The following GEMIN2 variants were observed in gnomAD, a reference collection of about 807,000 sequenced individuals.
GEMIN2 encodes the protein gem nuclear organelle associated protein 2.
GEMIN2 carries 37 observed loss-of-function variants against 45.8 expected under a neutral mutation model. The ratio of observed to expected loss-of-function variants is 0.81; its 90% CI spans 0.62 to 1.06. The LOEUF (loss-of-function observed/expected upper bound fraction) is 1.06. Among genes scored for constraint, GEMIN2 ranks in the 50% least tolerant of loss-of-function variants. The probability of loss-of-function intolerance (pLI) is 0.00; values close to 1 mark genes in which losing one functional copy is unlikely to be tolerated. For synonymous variants in GEMIN2, 101 were observed against 111.5 expected, an observed-to-expected ratio of 0.91 and a Z score of 0.60; for missense variants, 335 against 321.8, an observed-to-expected ratio of 1.04 and a Z score of -0.31.
intron 9 of GEMIN2, 130 bp from the exon 10 acceptor site, chr14:39,136,310 T>A: frequency 1.6e-6 from 1 of 621,672 alleles, no homozygotes; most frequent in Non-Finnish European, 2.9e-6. Flanking sequence ...TTCCACTATG[T>A]AGACATACTA....
At chr14:39,125,992 C>A (rs1386089010) in intron 6 of GEMIN2, among the ~76,000 whole-genome samples, 1 of 151,228 alleles carries the variant, frequency 6.6e-6, no homozygotes, top group Non-Finnish European at 1.5e-5. Flanking sequence ...TGCACTCCAG[C>A]CTGGGCGACA....
intron 8 of GEMIN2, among the ~76,000 whole-genome samples, chr14:39,132,352 G>A (rs891908519): frequency 6.6e-6 from 1 of 152,062 alleles, no homozygotes; most frequent in Non-Finnish European, 1.5e-5. Flanking sequence ...CCCACATGGT[G>A]AAACCCCGTC....
At chr14:39,119,139 C>T (rs1000299776) in intron 4 of GEMIN2, among the ~76,000 whole-genome samples, 4 of 152,082 alleles carry the variant, frequency 2.6e-5, no homozygotes, top group African/African-American at 7.2e-5. Flanking sequence ...GAAACTTCCA[C>T]AAGTTTTTAA....
chr14:39,134,831 A>G (rs8011855), intron 9 of GEMIN2, among the ~76,000 whole-genome samples: 141,026 of 152,226 alleles, frequency 0.93, 65,423 homozygotes, highest in East Asian at 0.95. Flanking sequence ...CCGGAGCTAA[A>G]CTTTTAACTA....
intron 4 of GEMIN2, 88 bp from the exon 5 acceptor site, chr14:39,122,342 A>G: frequency 4.5e-6 from 3 of 669,992 alleles, no homozygotes; most frequent in Non-Finnish European, 7.7e-6. Context: ...GGTAATGGGA[A>G]TATGGAAGGA....
At chr14:39,130,909 A>T (rs1026968930) in intron 7 of GEMIN2, among the ~76,000 whole-genome samples, 1 of 151,704 alleles carries the variant, frequency 6.6e-6, no homozygotes, top group Non-Finnish European at 1.5e-5. Context: ...AAAAAAAGAA[A>T]AAGGACAAAA....
intron 4 of GEMIN2, among the ~76,000 whole-genome samples, chr14:39,120,803 T>C (rs1253266017): frequency 6.6e-6 from 1 of 152,116 alleles, no homozygotes; most frequent in Non-Finnish European, 1.5e-5. Context: ...AATTTTTGTA[T>C]TTTTAGTAGA....
intron 6 of GEMIN2, among the ~76,000 whole-genome samples, chr14:39,126,284 A>G (rs549689691): frequency 6.6e-6 from 1 of 151,650 alleles, no homozygotes; most frequent in South Asian, 2.1e-4. Context: ...GGCTCAGGCA[A>G]TCCTCCCACC....
At chr14:39,127,265 T>A (rs2052655415) in intron 6 of GEMIN2, among the ~76,000 whole-genome samples, 2 of 151,296 alleles carry the variant, frequency 1.3e-5, no homozygotes, top group South Asian at 4.2e-4. Flanking sequence ...AATTTTTGTA[T>A]TTTTAGTAGA....
chr14:39,118,683 C>A, intron 4 of GEMIN2, 84 bp downstream of exon 4: 1 of 653,650 alleles, frequency 1.5e-6, no homozygotes, highest in Non-Finnish European at 2.9e-6. Context: ...TAAAGATTCA[C>A]TTGCCTAGTC....
rs375268766 is a variant in GEMIN2, at chr14:39,136,424, GTTTTT to G, written c.771-10_771-6del. 1 of 1,212,218 alleles carries G rather than the reference GTTTTT, an allele frequency of 8.2e-7. No individual in the cohort carries two copies. Among genetic ancestry groups the G allele is most frequent in the South Asian group, 1.4e-5 (1 of 74,068 alleles). 75.1% of individuals were successfully genotyped at this position (1,212,218 alleles called of 1,614,324 possible). A position where few individuals can be genotyped will look rare whatever the true frequency, so the allele number is the denominator to read the frequency against. On this transcript the variant is annotated splice_polypyrimidine_tract_variant and intron_variant, in intron 9 of 9. Coordinates refer to ENST00000308317, the MANE Select transcript of GEMIN2 (RefSeq NM_003616.3). Reference sequence around the variant, plus strand: ...TAATATCTTTATACATAAATTTTTTGTTTTTTTTTTACTAGGTATTTTGACCAACG... The same window carrying G: ...TAATATCTTTATACATAAATTTTTTGTTTTTACTAGGTATTTTGACCAACG...
intron 7 of GEMIN2, among the ~76,000 whole-genome samples, chr14:39,130,776 T>C (rs2052705688): frequency 6.6e-6 from 1 of 151,698 alleles, no homozygotes; most frequent in African/African-American, 2.4e-5. Flanking sequence ...GCGCCTGTTG[T>C]CCCAGCTACT....
intron 7 of GEMIN2, among the ~76,000 whole-genome samples, chr14:39,129,859 A>G (rs1660110603): frequency 6.6e-6 from 1 of 151,720 alleles, no homozygotes; most frequent in Non-Finnish European, 1.5e-5. Context: ...AGTCTTGGAG[A>G]AAAAAAGTCA....
intron 6 of GEMIN2, among the ~76,000 whole-genome samples, chr14:39,126,750 G>T (rs886635789): frequency 6.9e-5 from 10 of 144,724 alleles, no homozygotes; most frequent in African/African-American, 2.5e-4. Flanking sequence ...TAAACTGATG[G>T]TTTTTTTGTT....
chr14:39,126,911 G>A (rs868699288), intron 6 of GEMIN2, among the ~76,000 whole-genome samples: 8 of 151,234 alleles, frequency 5.3e-5, no homozygotes, highest in Admixed American at 2.0e-4. Context: ...GACTACAGGC[G>A]CACACCATCA....
chr14:39,133,470 G>T (rs545827034), intron 8 of GEMIN2, among the ~76,000 whole-genome samples, 191 bp from the exon 9 acceptor site: 1 of 149,984 alleles, frequency 6.7e-6, no homozygotes, highest in Admixed American at 6.7e-5. Flanking sequence ...TTAAAAGATA[G>T]TCTTAGATGT....
rs1448243241 is a variant in GEMIN2, at chr14:39,114,929, C to T, written c.222+16C>T. ...GAATATTTCTGTGAGTTTTATTAAC[C>T]GTCTGGAGATTACCCCCAACCCCCC... On this transcript the variant is annotated intron_variant, in intron 2 of 9. Transcript: ENST00000308317. The T allele has an allele frequency of 8.2e-7, 1 of 1,221,092 alleles. No homozygotes were observed. Among genetic ancestry groups the T allele is most frequent in the Admixed American group, 1.7e-5 (1 of 59,382 alleles). The allele number at this position is 1,221,092 out of a possible 1,614,324, so 75.6% of individuals were successfully genotyped here.
Position 39,118,569 on chromosome 14 carries a change from A to G in GEMIN2, c.342A>G (p.Lys114=), listed in dbSNP as rs369766094. ...QNVNKHRSHW[K]SQQLDSNVTM... is the part of the protein sequence containing the mutation. Reference sequence around the variant, plus strand: ...TGAACAAACATAGAAGTCACTGGAAATCACAACAGTTGGATAGTAATGTGA... The same window carrying G: ...TGAACAAACATAGAAGTCACTGGAAGTCACAACAGTTGGATAGTAATGTGA... Residue 114 remains lysine (K), a synonymous_variant, in exon 4 of 10, where the codon AAA becomes AAG. Transcript: ENST00000308317. 96 of 1,509,468 alleles carry G rather than the reference A, an allele frequency of 6.4e-5. No individual in the cohort carries two copies. In the African/African-American group the frequency reaches 9.7e-4, roughly 15 times the overall value. 93.5% of individuals were successfully genotyped at this position (1,509,468 alleles called of 1,614,324 possible).
chr14:39,129,624 A>T (rs1205178583), intron 7 of GEMIN2, among the ~76,000 whole-genome samples: 2 of 151,982 alleles, frequency 1.3e-5, no homozygotes, highest in African/African-American at 4.8e-5. Context: ...TGTTGGCCAG[A>T]CTGGTCTTGA....
Sources: allele counts gnomAD v4.1 joint callset (sites outside exome capture counted in the v4.1 genomes callset), GRCh38; gene constraint gnomAD v4.1.1; transcripts MANE v1.5; gene names NCBI Gene and HGNC (gene_info 2026-07-23, HGNC 2026-07-21).